The following DENND3 variants were observed in gnomAD, a reference collection of about 807,000 sequenced individuals.
DENND3 encodes the protein DENN domain containing 3.
In DENND3, 88 loss-of-function variants were observed where a neutral mutation model predicts 135.1. That is an observed-to-expected ratio of 0.65 (90% CI 0.55 to 0.78). DENND3 has a LOEUF of 0.78. Ranked by LOEUF, DENND3 falls within the 30% of genes least tolerant of loss-of-function variation. The pLI, the probability that DENND3 is intolerant of heterozygous loss-of-function variation, is 0.00. For synonymous variants in DENND3, 693 were observed against 712.3 expected (o/e 0.97, Z 0.43); for missense variants, 1,392 against 1,688.4 (o/e 0.82, Z 3.08).
Position 141,144,102 on chromosome 8 carries a change from T to C in DENND3, c.624-46T>C. ...AGAAACGCTAACGATGACAACTGCG[T>C]TCTCATCTTTATTTTGCGGTTTGAG... On this transcript the variant is annotated intron_variant, in intron 4 of 22. Coordinates refer to ENST00000519811, the MANE Select transcript of DENND3 (RefSeq NM_001352890.3). This position sits in a 1 kb window ranked among gnomAD's most constrained non-coding sequence, Gnocchi z 4.4. 6.6e-7 allele frequency: 1 copy of C among 1,519,658 alleles called. No homozygotes were observed. The highest frequency in any genetic ancestry group is 9.1e-7 in the Non-Finnish European group (1 of 1,103,280). 94.1% of individuals were successfully genotyped at this position (1,519,658 alleles called of 1,614,324 possible).
In DENND3 at chr8:141,139,472, G is replaced by A. The variant is rs570960031; in HGVS notation, c.501+1335G>A. Among the ~76,000 whole-genome samples the A allele has an allele frequency of 1.3e-4, 20 of 152,312 alleles. 1 individual carries two copies. The highest frequency in any genetic ancestry group is 4.8e-4 in the African/African-American group (20 of 41,566). On this transcript the variant is annotated intron_variant, in intron 3 of 22. Coordinates refer to ENST00000519811, the MANE Select transcript of DENND3 (RefSeq NM_001352890.3). This position sits in a 1 kb window ranked among gnomAD's most constrained non-coding sequence, Gnocchi z 4.2. The stretch of plus-strand genomic sequence containing the variant: ...CAAGGTCAGCTCTCGGGCGGTGCAT[G>A]CAGGGGACCAGCGTCCGCCTCTGTG...
intron 5 of DENND3, among the ~76,000 whole-genome samples, chr8:141,147,666 G>A (rs911870954): frequency 2.0e-5 from 3 of 152,184 alleles, no homozygotes; most frequent in Non-Finnish European, 4.4e-5. Flanking sequence ...CGCAGGGCAC[G>A]GCACAGTTTG....
intron 22 of DENND3, chr8:141,193,754 G>C: frequency 3.8e-6 from 2 of 526,748 alleles, no homozygotes; most frequent in Non-Finnish European, 6.8e-6. Flanking sequence ...CCTCACACAG[G>C]TGGCTGTTGT....
At chr8:141,190,600 C>T in intron 20 of DENND3, 183 bp downstream of exon 20, 1 of 838,164 alleles carries the variant, frequency 1.2e-6, no homozygotes, top group Non-Finnish European at 1.7e-6. Flanking sequence ...CTCCTGGGGG[C>T]TCCCCAGGCC....
chr8:141,179,163 C>A (rs760325411), intron 16 of DENND3, among the ~76,000 whole-genome samples: 4 of 152,244 alleles, frequency 2.6e-5, no homozygotes, highest in Non-Finnish European at 4.4e-5. Context: ...GGTACAGAAT[C>A]CCTCTCCCAC....
chr8:141,155,836 C>G lies in DENND3; in HGVS notation c.1075-13C>G, dbSNP rs1381893866. The G allele has an allele frequency of 1.3e-6, 2 of 1,577,402 alleles. No individual in the cohort carries two copies. Among genetic ancestry groups the G allele is most frequent in the East Asian group, 2.3e-5 (1 of 43,876 alleles). ...CTTTTATCAATCTTTACAGATGATT[C>G]CTTGTTTTCTAGGAAGCCGACGGTT... is the stretch of plus-strand genomic sequence containing the variant. On this transcript the variant is annotated splice_polypyrimidine_tract_variant and intron_variant, in intron 7 of 22. Coordinates refer to ENST00000519811, the MANE Select transcript of DENND3 (RefSeq NM_001352890.3).
At chr8:141,178,288 C>T (rs1047756692) in intron 16 of DENND3, 92 bp downstream of exon 16, 3 of 1,486,840 alleles carry the variant, frequency 2.0e-6, no homozygotes, top group Non-Finnish European at 1.8e-6. Flanking sequence ...TCAAGTAGAA[C>T]CGAGCCCAGC....
Position 141,175,170 on chromosome 8 carries a change from A to AT in DENND3, c.2276-29dup. 6.3e-7 allele frequency: 1 copy of AT among 1,596,154 alleles called. No individual in the cohort carries two copies. Among genetic ancestry groups the AT allele is most frequent in the Non-Finnish European group, 8.5e-7 (1 of 1,170,008 alleles). On this transcript the variant is annotated intron_variant, in intron 13 of 22. Coordinates refer to ENST00000519811, the MANE Select transcript of DENND3 (RefSeq NM_001352890.3). This position sits in a 1 kb window ranked among gnomAD's most constrained non-coding sequence, Gnocchi z 5.4. The stretch of plus-strand genomic sequence containing the variant: ...GGCTCCCGAGGTATGTGGCTGTAAG[A>AT]TACCTCTCTTTTCTTCTTATCAAAC...
intron 22 of DENND3, 40 bp downstream of exon 22, chr8:141,192,703 G>A (rs1388378766): frequency 6.8e-6 from 11 of 1,606,776 alleles, no homozygotes; most frequent in Non-Finnish European, 9.4e-6. Flanking sequence ...TCCCCGGCAG[G>A]TCTCGCTTGC....
rs1353738743 is a variant in DENND3 at position 141,145,818 on chromosome 8, TATATATATATATATATATATATATA to T, written c.735+1560_735+1584del. Among the ~76,000 whole-genome samples, 19 of 30,210 alleles carry T rather than the reference TATATATATATATATATATATATATA, an allele frequency of 6.3e-4. 2 individuals carry two copies. Among genetic ancestry groups the T allele is most frequent in the African/African-American group, 5.0e-3 (19 of 3,816 alleles). The allele number at this position is 30,210 out of a possible 152,430, so 19.8% of individuals were successfully genotyped here. A position where few individuals can be genotyped will look rare whatever the true frequency, so the allele number is the denominator to read the frequency against. On this transcript the variant is annotated intron_variant, in intron 5 of 22. Coordinates refer to ENST00000519811, the MANE Select transcript of DENND3 (RefSeq NM_001352890.3). ...ATATTGAATATTATATATATATATATATATATATATATATATATATATATATATATATGTATTTTTTTTTTTTTGA... is the reference window on the plus strand; with the variant it reads ...ATATTGAATATTATATATATATATATTATATATGTATTTTTTTTTTTTTGA...
Position 141,151,647 on chromosome 8 carries a change from G to T in DENND3, c.884G>T (p.Arg295Leu). 6.2e-7 allele frequency: 1 copy of T among 1,614,008 alleles called. No homozygotes were observed. The highest frequency in any genetic ancestry group is 8.5e-7 in the Non-Finnish European group (1 of 1,180,000). The change falls in exon 7 of 23, where the codon CGG becomes CTG. Residue 295 changes from arginine (R) to leucine (L), a missense_variant. Transcript: ENST00000519811. ...CTGACATGCATCCTGACGGAACAGCGGATCGTCTTCTTCTCCTCGGACTGG... is the reference window on the plus strand; with the variant it reads ...CTGACATGCATCCTGACGGAACAGCTGATCGTCTTCTTCTCCTCGGACTGG... ...QILTCILTEQ[R>L]IVFFSSDWAL...
At chr8:141,169,216 CGCCAGCAGGTGGCAG>C (rs1216224064) in intron 13 of DENND3, among the ~76,000 whole-genome samples, 1 of 152,242 alleles carries the variant, frequency 6.6e-6, no homozygotes, top group Non-Finnish European at 1.5e-5. Context: ...TGAGGTAAGC[CGCCAGCAGGTGGCAG>C]GCAAGACCGC....
intron 14 of DENND3, chr8:141,176,293 A>AC: frequency 4.2e-6 from 1 of 240,532 alleles, no homozygotes; most frequent in Non-Finnish European, 7.9e-6. Context: ...AAAACAAAAA[A>AC]AAAAAAACAA....
At chr8:141,165,813 C>A (rs1472426427) in intron 11 of DENND3, among the ~76,000 whole-genome samples, 2 of 152,162 alleles carry the variant, frequency 1.3e-5, no homozygotes, top group Non-Finnish European at 2.9e-5. Context: ...TGTTAGCATG[C>A]TCCCCGTGGT....
chr8:141,167,886 A>G lies in DENND3; in HGVS notation c.1754-118A>G. 2 of 1,409,504 alleles carry G rather than the reference A, an allele frequency of 1.4e-6. No homozygotes were observed. The highest frequency in any genetic ancestry group is 1.4e-5 in the African/African-American group (1 of 69,950). The allele number at this position is 1,409,504 out of a possible 1,614,324, so 87.3% of individuals were successfully genotyped here. A position where few individuals can be genotyped will look rare whatever the true frequency, so the allele number is the denominator to read the frequency against. ...GGAGCTTTCTGGAGGGAGCACACCC[A>G]TTCTCATTTTATTTTGCATCCAGAG... On this transcript the variant is annotated intron_variant, in intron 12 of 22. Transcript: ENST00000519811. The surrounding 1 kb of genome is among the most constrained non-coding windows in gnomAD (Gnocchi z 4.1).
At chr8:141,143,567 G>C (rs1402473515) in intron 4 of DENND3, among the ~76,000 whole-genome samples, 1 of 152,108 alleles carries the variant, frequency 6.6e-6, no homozygotes, top group Admixed American at 6.5e-5. Flanking sequence ...ACCACACCAG[G>C]ATAATTTTTA....
At chr8:141,132,008 T>A (rs1184406419) in intron 1 of DENND3, among the ~76,000 whole-genome samples, 1 of 152,130 alleles carries the variant, frequency 6.6e-6, no homozygotes, top group Admixed American at 6.6e-5. Context: ...CGTGCAAGTG[T>A]GTGTCACCGC....
Position 141,190,195 on chromosome 8 carries a change from T to C in DENND3, c.3246-89T>C, listed in dbSNP as rs1824530564. ...TCCGTGTTGAGCACATTTTCTCTCA[T>C]GGCGACTTGGTTCTCTCTTGGGTTA... is the stretch of plus-strand genomic sequence containing the variant. On this transcript the variant is annotated intron_variant, in intron 19 of 22. Transcript: ENST00000519811. The C allele has an allele frequency of 2.1e-5, 30 of 1,430,086 alleles. 1 individual carries two copies. The Admixed American group carries it at 4.2e-4, about 20-fold the overall frequency. 88.6% of individuals were successfully genotyped at this position (1,430,086 alleles called of 1,614,324 possible).
rs1822997968 is a variant in DENND3 at position 141,180,807 on chromosome 8, CGGGGGA to C, written c.2900_2905del (p.Gly967_Glu968del). ...CTGAAGCATAAAATCAACCCCTCGG[CGGGGGA>C]GGCGTTCCCACAAGCGGTGGACGTG... On this transcript the variant is annotated inframe_deletion, in exon 17 of 23. Coordinates refer to ENST00000519811, the MANE Select transcript of DENND3 (RefSeq NM_001352890.3). 1 of 1,613,188 alleles carries C rather than the reference CGGGGGA, an allele frequency of 6.2e-7. No individual in the cohort carries two copies. Among genetic ancestry groups the C allele is most frequent in the Non-Finnish European group, 8.5e-7 (1 of 1,179,606 alleles).
Sources: allele counts gnomAD v4.1 joint callset (sites outside exome capture counted in the v4.1 genomes callset), GRCh38; gene constraint gnomAD v4.1.1; non-coding constraint Gnocchi (gnomAD v3.1); transcripts MANE v1.5; gene names NCBI Gene and HGNC (gene_info 2026-07-23, HGNC 2026-07-21).